Variants in STAG1 observed in about 807,000 individuals in gnomAD.
STAG1 encodes the protein cohesin subunit SA-1.
In STAG1, 26 loss-of-function variants were observed where a neutral mutation model predicts 170.9. The ratio of observed to expected loss-of-function variants is 0.15; its 90% CI spans 0.11 to 0.21. The LOEUF (loss-of-function observed/expected upper bound fraction) is 0.21, where lower values mean the gene tolerates loss of function less well. Among genes scored for constraint, STAG1 ranks in the 10% least tolerant of loss-of-function variants. The probability of loss-of-function intolerance (pLI) is 1.00; values close to 1 mark genes in which losing one functional copy is unlikely to be tolerated. For missense variants in STAG1, 964 were observed against 1,509.5 expected, an observed-to-expected ratio of 0.64 and a Z score of 5.99; for synonymous variants, 514 against 497.7, an observed-to-expected ratio of 1.03 and a Z score of -0.44.
chr3:136,410,068 T>TAA (rs766763989), intron 21 of STAG1, among the ~76,000 whole-genome samples: 25,527 of 92,426 alleles, frequency 0.28, 3,715 homozygotes, highest in Non-Finnish European at 0.36. Flanking sequence ...AGTCCTTGTC[T>TAA]AAAAAAAAAA....
At chr3:136,391,582 G>A (rs929076810) in intron 22 of STAG1, among the ~76,000 whole-genome samples, 2 of 151,900 alleles carry the variant, frequency 1.3e-5, no homozygotes, top group African/African-American at 4.8e-5. Context: ...TCACCATGTT[G>A]GCCAGGATGG....
At chr3:136,396,520 CTTTTTTTTTTTTTTTTT>C (rs146270857) in intron 22 of STAG1, among the ~76,000 whole-genome samples, 1 of 43,638 alleles carries the variant, frequency 2.3e-5, no homozygotes. Context: ...CGCGCCTGGC[CTTTTTTTTTTTTTTTTT>C]TTTTTTTTTG....
intron 1 of STAG1, among the ~76,000 whole-genome samples, chr3:136,742,072 G>A (rs1363379853): frequency 6.6e-6 from 1 of 152,110 alleles, no homozygotes; most frequent in Non-Finnish European, 1.5e-5. Flanking sequence ...AGAATTAAGG[G>A]AAAAACAGAT....
intron 1 of STAG1, among the ~76,000 whole-genome samples, chr3:136,662,404 G>A (rs991450242): frequency 2.6e-5 from 4 of 151,800 alleles, no homozygotes; most frequent in East Asian, 3.9e-4. Flanking sequence ...CACCTGCCTC[G>A]GCCTCCCAAA....
In STAG1 at chr3:136,673,229, A is replaced by G. The variant is rs751579710; in HGVS notation, c.-83-42248T>C. ...AAATCTGTAAACTGTGTTTTCAAAA[A>G]TGAGGAAGAATACGTAGCAAAGGGT... On this transcript the variant is annotated intron_variant, in intron 1 of 33. Transcript: ENST00000383202. Among the ~76,000 whole-genome samples, 5 of 152,200 alleles carry G rather than the reference A, an allele frequency of 3.3e-5. 1 individual carries two copies. The highest frequency in any genetic ancestry group is 7.3e-5 in the Non-Finnish European group (5 of 68,030).
intron 4 of STAG1, among the ~76,000 whole-genome samples, chr3:136,580,358 TAAAA>T (rs532334526): frequency 1.5e-3 from 233 of 151,774 alleles, no homozygotes; most frequent in African/African-American, 5.0e-3. Context: ...ACTAGGTAAA[TAAAA>T]AAACAGAAAA....
intron 3 of STAG1, among the ~76,000 whole-genome samples, chr3:136,621,128 G>A (rs34804893): frequency 0.16 from 24,742 of 150,882 alleles, 2,452 homozygotes; most frequent in South Asian, 0.23. Flanking sequence ...GTAAGGTTCC[G>A]TCTCAAAAAA....
Position 136,679,655 on chromosome 3 carries a change from C to T in STAG1, c.-83-48674G>A, listed in dbSNP as rs1218969247. 2.0e-5 allele frequency among the ~76,000 whole-genome samples: 3 copies of T among 150,410 alleles called. No homozygotes were observed. In the Admixed American group the frequency reaches 2.0e-4, roughly 10 times the overall value. The stretch of plus-strand genomic sequence containing the variant: ...GATGCAGGAGAATGGCATGAACCCA[C>T]AAGGCGGAGCTTGCAGTGAGCCGAG... On this transcript the variant is annotated intron_variant, in intron 1 of 33. Transcript: ENST00000383202.
chr3:136,357,874 A>G, intron 27 of STAG1, 26 bp from the exon 28 acceptor site: 1 of 1,569,928 alleles, frequency 6.4e-7, no homozygotes. Flanking sequence ...ATATCAACTT[A>G]TTTTTCCAGA....
At chr3:136,542,764 T>C (rs1480877433) in intron 5 of STAG1, among the ~76,000 whole-genome samples, 1 of 152,046 alleles carries the variant, frequency 6.6e-6, no homozygotes, top group Non-Finnish European at 1.5e-5. Flanking sequence ...TGGTGGCAGC[T>C]AACATTTGGG....
intron 28 of STAG1, among the ~76,000 whole-genome samples, chr3:136,354,358 T>C (rs1199030597): frequency 6.6e-6 from 1 of 152,172 alleles, no homozygotes; most frequent in Non-Finnish European, 1.5e-5. Flanking sequence ...AGTGGCACGA[T>C]ATTGGCTTAC....
At chr3:136,725,073 A>T (rs1367275657) in intron 1 of STAG1, among the ~76,000 whole-genome samples, 2 of 152,220 alleles carry the variant, frequency 1.3e-5, no homozygotes, top group Non-Finnish European at 2.9e-5. Context: ...TCTAATACTT[A>T]AAGTATTATA....
chr3:136,426,179 G>A (rs191438760), intron 16 of STAG1, among the ~76,000 whole-genome samples: 8 of 151,272 alleles, frequency 5.3e-5, no homozygotes, highest in Non-Finnish European at 2.9e-5. Flanking sequence ...AGGCCGAGGC[G>A]GGCAGATCAC....
At position 136,443,329 on chromosome 3, in the gene STAG1, T is replaced by C; in HGVS notation, c.1504A>G (p.Met502Val). Residue 502 changes from methionine to valine, a missense_variant, in exon 15 of 34, where the codon ATG (methionine) becomes GTG (valine). Physicochemically the swap from Met to Val is conservative, Grantham distance 21 (BLOSUM62 1). Around this residue, in one of 11 missense-constraint regions of STAG1, gnomAD observed 162 missense variants for 211.2 expected, o/e 0.77. Transcript: ENST00000383202. ...GGTTCTTCTAATAGCAACTCTGTCA[T>C]ACATTCCCAGTCTTTCAACAGTTCT... ...SQELLKDWEC[M>V]TELLLEEPVQ... The C allele has an allele frequency of 6.2e-7, 1 of 1,613,932 alleles. No homozygotes were observed. The highest frequency in any genetic ancestry group is 8.5e-7 in the Non-Finnish European group (1 of 1,179,916).
In STAG1 at chr3:136,502,587, C is replaced by T. The variant is rs200772586; in HGVS notation, c.828+41G>A. The T allele has an allele frequency of 5.6e-6, 9 of 1,597,434 alleles. No homozygotes were observed. The Admixed American group carries it at 1.4e-4, about 24-fold the overall frequency. ...GTACTAATGTCATATATATTCCACA[C>T]ATTTACAGAACATAAAATCATCAGT... On this transcript the variant is annotated intron_variant, in intron 8 of 33. Coordinates refer to ENST00000383202, the MANE Select transcript of STAG1 (RefSeq NM_005862.3).
chr3:136,432,513 TTG>T lies in STAG1; in HGVS notation c.1650+1041_1650+1042del, dbSNP rs1491329810. ...ATTTTAATTTTTGTTTTCTTTTTTT[TTG>T]GGGGGGGGGGGGCACAGAGTCTTGC... On this transcript the variant is annotated intron_variant, in intron 16 of 33. Transcript: ENST00000383202. Among the ~76,000 whole-genome samples the T allele has an allele frequency of 2.7e-4, 10 of 37,008 alleles. No individual in the cohort carries two copies. In the South Asian group the frequency reaches 7.7e-3, roughly 28 times the overall value. The allele number at this position is 37,008 out of a possible 152,430, so 24.3% of individuals were successfully genotyped here.
At chr3:136,478,797 G>T (rs573973485) in intron 9 of STAG1, among the ~76,000 whole-genome samples, 18 of 152,036 alleles carry the variant, frequency 1.2e-4, no homozygotes, top group Non-Finnish European at 2.5e-4. Flanking sequence ...TTTTCTCATG[G>T]AGAGGCTGTA....
intron 1 of STAG1, among the ~76,000 whole-genome samples, chr3:136,704,185 C>T (rs962399139): frequency 2.0e-5 from 3 of 151,304 alleles, no homozygotes; most frequent in South Asian, 2.1e-4. Flanking sequence ...CAAGTAGCTG[C>T]GATTACAGGA....
In STAG1 at chr3:136,498,210, TTATA is replaced by T. The variant is rs374645920; in HGVS notation, c.902+2009_902+2012del. ...TCCATCTTAAAAAAAAAAAAAAAAATTATATATATATATATATATATATACACAT... is the reference window on the plus strand; with the variant it reads ...TCCATCTTAAAAAAAAAAAAAAAAATTATATATATATATATATATACACAT... On this transcript the variant is annotated intron_variant, in intron 9 of 33. Transcript: ENST00000383202. Among the ~76,000 whole-genome samples the T allele has an allele frequency of 4.7e-4, 24 of 50,840 alleles. 2 individuals are homozygous for T. The East Asian group carries it at 0.045, about 95-fold the overall frequency. 33.4% of individuals were successfully genotyped at this position (50,840 alleles called of 152,430 possible).
Sources: gnomAD v4.1 joint callset for allele counts (sites outside exome capture counted in the v4.1 genomes callset) on GRCh38, gnomAD v4.1.1 for gene constraint, gnomAD v4.1.1 regional missense constraint, MANE v1.5 for transcripts, NCBI Gene and HGNC (gene_info 2026-07-23, HGNC 2026-07-21) for gene names.